Variants in BCKDHB observed in about 807,000 individuals in gnomAD.
BCKDHB encodes branched chain keto acid dehydrogenase E1 subunit beta.
A neutral mutation model predicts 48.5 loss-of-function variants in BCKDHB; 41 were observed. The observed-to-expected ratio is 0.85, with a 90% CI of 0.66 to 1.10. The LOEUF (loss-of-function observed/expected upper bound fraction) is 1.10, where lower values mean the gene tolerates loss of function less well. Among genes scored for constraint, BCKDHB ranks in the 50% least tolerant of loss-of-function variants. The pLI is 0.00. For missense variants in BCKDHB, 496 were observed against 494.2 expected (o/e 1.00, Z -0.03); for synonymous variants, 201 against 174.8 (o/e 1.15, Z -1.18).
At chr6:80,227,656 A>G (rs1775736521) in intron 8 of BCKDHB, among the ~76,000 whole-genome samples, 1 of 152,198 alleles carries the variant, frequency 6.6e-6, no homozygotes, top group Admixed American at 6.5e-5. Flanking sequence ...CTGAGCTGCA[A>G]TCTGAAGTTA....
At chr6:80,272,255 T>G (rs1321987952) in intron 8 of BCKDHB, among the ~76,000 whole-genome samples, 1 of 152,188 alleles carries the variant, frequency 6.6e-6, no homozygotes, top group African/African-American at 2.4e-5. Flanking sequence ...AATCTTTTAT[T>G]TCAATAGATA....
intron 8 of BCKDHB, among the ~76,000 whole-genome samples, chr6:80,218,350 G>A (rs2127854740): frequency 6.6e-6 from 1 of 152,216 alleles, no homozygotes; most frequent in Non-Finnish European, 1.5e-5. Context: ...CTATCAAAAT[G>A]TGGAGAATAT....
intron 3 of BCKDHB, among the ~76,000 whole-genome samples, chr6:80,145,590 A>G (rs1242412172): frequency 6.6e-6 from 1 of 152,188 alleles, no homozygotes; most frequent in Non-Finnish European, 1.5e-5. Context: ...AGTTTCATTT[A>G]GTTGGGTCAG....
intron 9 of BCKDHB, among the ~76,000 whole-genome samples, chr6:80,313,896 G>T (rs191195328): frequency 5.2e-4 from 79 of 152,098 alleles, no homozygotes; most frequent in Admixed American, 1.0e-3. Context: ...GCTTTTTTAC[G>T]TGGGCATTTA....
At chr6:80,151,061 T>C (rs1771750248) in intron 3 of BCKDHB, among the ~76,000 whole-genome samples, 1 of 152,210 alleles carries the variant, frequency 6.6e-6, no homozygotes, top group Non-Finnish European at 1.5e-5. Flanking sequence ...AATTCACATG[T>C]ATTTTACCTA....
Position 80,106,898 on chromosome 6 carries a change from T to C in BCKDHB, c.196+9T>C. 6.3e-7 allele frequency: 1 copy of C among 1,599,852 alleles called. No homozygotes were observed. Among genetic ancestry groups the C allele is most frequent in the South Asian group, 1.1e-5 (1 of 88,988 alleles). The stretch of plus-strand genomic sequence containing the variant: ...GGAGCCCCGGGAGTACGGTGAGCCC[T>C]GGGACTGCCCACTCGGTCCCGCTGC... On this transcript the variant is annotated intron_variant, in intron 1 of 9. Transcript: ENST00000320393.
the BCKDHB span, among the ~76,000 whole-genome samples, chr6:80,442,087 G>A: frequency 7.9e-5 from 12 of 152,104 alleles, no homozygotes; most frequent in South Asian, 2.1e-4. Flanking sequence ...ATAAGTGTGC[G>A]AAACTGTATA....
intron 8 of BCKDHB, among the ~76,000 whole-genome samples, chr6:80,217,772 A>G (rs1381554419): frequency 6.6e-6 from 1 of 152,214 alleles, no homozygotes; most frequent in Non-Finnish European, 1.5e-5. Flanking sequence ...TGGATTCTCC[A>G]TGCATGCTCA....
intron 6 of BCKDHB, among the ~76,000 whole-genome samples, chr6:80,192,204 T>C (rs537999305): frequency 6.6e-6 from 1 of 152,326 alleles, no homozygotes; most frequent in East Asian, 1.9e-4. Context: ...TTTTTTCTAA[T>C]GGTTCATACA....
Position 80,343,500 on chromosome 6 carries a change from G to T in BCKDHB, c.1039-164G>T, listed in dbSNP as rs2322763. ...ACACATAATAAAACTGGGATCATGC[G>T]AACATGCTGTTACCTGCTTTTTTCA... On this transcript the variant is annotated intron_variant, in intron 9 of 9. Coordinates refer to ENST00000320393, the MANE Select transcript of BCKDHB (RefSeq NM_183050.4). 587,411 of 738,586 alleles carry T rather than the reference G, an allele frequency of 0.8. 235,652 individuals are homozygous for T. Among genetic ancestry groups the T allele is most frequent in the Admixed American group, 0.84 (32,263 of 38,530 alleles). The allele number at this position is 738,586 out of a possible 1,614,324, so 45.8% of individuals were successfully genotyped here.
At chr6:80,375,546 C>T in the BCKDHB span, among the ~76,000 whole-genome samples, 1 of 151,690 alleles carries the variant, frequency 6.6e-6, no homozygotes, top group Non-Finnish European at 1.5e-5. Flanking sequence ...AAGATTTTTT[C>T]ATTTATATCC....
rs10579475 is a variant in BCKDHB, at chr6:80,344,348, ATT to A, written c.*559_*560del. The A allele has an allele frequency of 0.75, 105,302 of 140,888 alleles. 39,305 individuals are homozygous for A. The highest frequency in any genetic ancestry group is 0.81 in the Admixed American group (11,678 of 14,452). 8.7% of individuals were successfully genotyped at this position (140,888 alleles called of 1,614,324 possible). On this transcript the variant is annotated 3_prime_UTR_variant, in exon 10 of 10. Transcript: ENST00000320393. The stretch of plus-strand genomic sequence containing the variant: ...AACATATCTAGCATATGTATATGTG[ATT>A]TTTTTTTTTTTTTTGAGACCGAGTC...
intron 8 of BCKDHB, among the ~76,000 whole-genome samples, chr6:80,228,308 T>C (rs1775765510): frequency 6.6e-6 from 1 of 152,242 alleles, no homozygotes; most frequent in African/African-American, 2.4e-5. Flanking sequence ...ACTAAAAGTC[T>C]ATTTGAACTG....
the BCKDHB span, among the ~76,000 whole-genome samples, chr6:80,389,385 T>C: frequency 6.6e-6 from 1 of 152,184 alleles, no homozygotes; most frequent in Non-Finnish European, 1.5e-5. Context: ...TATGGCACCA[T>C]TCCTCAGGGT....
the BCKDHB span, among the ~76,000 whole-genome samples, chr6:80,370,232 A>G: frequency 6.6e-6 from 1 of 152,190 alleles, no homozygotes; most frequent in Non-Finnish European, 1.5e-5. Context: ...AAGAGGAAAA[A>G]GACCAGATCT....
At chr6:80,417,111 C>G in the BCKDHB span, among the ~76,000 whole-genome samples, 2 of 151,976 alleles carry the variant, frequency 1.3e-5, no homozygotes, top group African/African-American at 2.4e-5. Flanking sequence ...ATGTAATGCT[C>G]TTGTCTTTTT....
intron 7 of BCKDHB, among the ~76,000 whole-genome samples, chr6:80,202,305 C>T (rs77601649): frequency 0.016 from 2,457 of 152,208 alleles, 27 homozygotes; most frequent in Non-Finnish European, 0.024. Context: ...GCTAGTCCAT[C>T]TCTCTCCTGC....
At chr6:80,458,138 T>G in the BCKDHB span, among the ~76,000 whole-genome samples, 1,115 of 152,262 alleles carry the variant, frequency 7.3e-3, 10 homozygotes, top group South Asian at 0.034. Context: ...TGGGGCAAAC[T>G]CTTGTAGAAA....
intron 9 of BCKDHB, among the ~76,000 whole-genome samples, chr6:80,324,296 G>T (rs1768915653): frequency 6.6e-6 from 1 of 152,064 alleles, no homozygotes; most frequent in African/African-American, 2.4e-5. Flanking sequence ...TCTGTAGGTG[G>T]GACCTAGGCA....
Sources: allele counts gnomAD v4.1 joint callset (sites outside exome capture counted in the v4.1 genomes callset), GRCh38; gene constraint gnomAD v4.1.1; transcripts MANE v1.5; gene names NCBI Gene and HGNC (gene_info 2026-07-23, HGNC 2026-07-21).